Variants in DOCK8 observed in about 807,000 individuals in gnomAD.
DOCK8 encodes the protein dedicator of cytokinesis protein 8.
A neutral mutation model predicts 245.6 loss-of-function variants in DOCK8; 141 were observed. The observed-to-expected ratio is 0.57, with a 90% confidence interval of 0.50 to 0.66. The LOEUF (loss-of-function observed/expected upper bound fraction) is 0.66, where lower values mean the gene tolerates loss of function less well. Ranked by LOEUF, DOCK8 falls within the 30% of genes least tolerant of loss-of-function variation. The pLI is 0.00. For missense variants in DOCK8, 2,965 were observed against 2,603.4 expected (o/e 1.14, Z -3.02); for synonymous variants, 1,168 against 970.2 (o/e 1.20, Z -3.79).
chr9:326,897 G>T (rs1388996159), intron 8 of DOCK8, among the ~76,000 whole-genome samples: 1 of 152,208 alleles, frequency 6.6e-6, no homozygotes, highest in African/African-American at 2.4e-5. Flanking sequence ...TGTAGTCTCT[G>T]CCTGGGCAGC....
intron 14 of DOCK8, among the ~76,000 whole-genome samples, chr9:367,291 C>T (rs1331278521): frequency 1.3e-5 from 2 of 152,166 alleles, no homozygotes; most frequent in Admixed American, 6.5e-5. Context: ...ACTTAATACT[C>T]CTGTGTCCTA....
At chr9:325,529 G>A in intron 7 of DOCK8, 142 bp from the exon 8 acceptor site, 1 of 733,402 alleles carries the variant, frequency 1.4e-6, no homozygotes. Context: ...ATATCCCAGT[G>A]CGATTCTCAT....
chr9:440,653 T>G (rs1439191660), intron 40 of DOCK8, among the ~76,000 whole-genome samples: 3 of 152,208 alleles, frequency 2.0e-5, no homozygotes, highest in Non-Finnish European at 4.4e-5. Context: ...TCTGATGAAA[T>G]TTAAATATAC....
intron 14 of DOCK8, among the ~76,000 whole-genome samples, chr9:363,953 T>TAC (rs1369315626): frequency 6.6e-6 from 1 of 152,228 alleles, no homozygotes; most frequent in African/African-American, 2.4e-5. Flanking sequence ...TTCATCCAGC[T>TAC]ACTTCAAAGC....
intron 2 of DOCK8, among the ~76,000 whole-genome samples, chr9:281,619 G>A (rs1426306123): frequency 7.1e-6 from 1 of 140,216 alleles, no homozygotes; most frequent in Admixed American, 7.4e-5. Context: ...ACCACTAGAT[G>A]TATGTATATA....
intron 13 of DOCK8, among the ~76,000 whole-genome samples, chr9:339,793 C>T (rs767147426): frequency 7.2e-5 from 11 of 152,196 alleles, no homozygotes; most frequent in African/African-American, 2.4e-4. Context: ...AGATGACAGG[C>T]GTGAGCCACC....
chr9:443,714 C>G (rs565081545), intron 43 of DOCK8, among the ~76,000 whole-genome samples, 198 bp downstream of exon 43: 5 of 152,288 alleles, frequency 3.3e-5, no homozygotes, highest in African/African-American at 9.6e-5. Context: ...ATAGGAGCTA[C>G]CACTTATTAA....
At chr9:335,853 T>C (rs1211072168) in intron 11 of DOCK8, among the ~76,000 whole-genome samples, 2 of 152,130 alleles carry the variant, frequency 1.3e-5, no homozygotes, top group African/African-American at 4.8e-5. Flanking sequence ...ATGGTAAGAA[T>C]TAAGGATAAG....
In DOCK8 at chr9:372,202, AAAT is replaced by A; in HGVS notation, c.2026_2028del (p.Asn676del). ...TGTTTCAGTGGCTGCCAATTCTCTTAAATGAACGTCTTCAAACTGGATCCTACT... is the reference window on the plus strand; with the variant it reads ...TGTTTCAGTGGCTGCCAATTCTCTTAGAACGTCTTCAAACTGGATCCTACT... On this transcript the variant is annotated inframe_deletion, in exon 18 of 48. Transcript: ENST00000432829. 6.2e-7 allele frequency: 1 copy of A among 1,614,090 alleles called. No individual in the cohort carries two copies. Among genetic ancestry groups the A allele is most frequent in the South Asian group, 1.1e-5 (1 of 91,088 alleles).
At chr9:236,019 C>G (rs1185196925) in intron 1 of DOCK8, among the ~76,000 whole-genome samples, 2 of 152,230 alleles carry the variant, frequency 1.3e-5, no homozygotes, top group Non-Finnish European at 2.9e-5. Context: ...TAGACTGGAG[C>G]TGTTCCTATT....
chr9:424,617 C>G (rs10974352), intron 33 of DOCK8, among the ~76,000 whole-genome samples: 293 of 152,140 alleles, frequency 1.9e-3, no homozygotes, highest in African/African-American at 6.6e-3. Context: ...ACCATGTTGC[C>G]CAGGCTGGTC....
intron 26 of DOCK8, among the ~76,000 whole-genome samples, chr9:403,914 A>ATC (rs1564021210): frequency 1.2e-5 from 1 of 82,890 alleles, no homozygotes; most frequent in Non-Finnish European, 2.1e-5. Flanking sequence ...ATATATATAT[A>ATC]TACATATATA....
At chr9:379,365 A>G (rs533454970) in intron 20 of DOCK8, among the ~76,000 whole-genome samples, 26 of 152,258 alleles carry the variant, frequency 1.7e-4, no homozygotes, top group Admixed American at 8.5e-4. Flanking sequence ...CATCTTGTAA[A>G]GATGCAGAAC....
chr9:365,802 C>T, intron 14 of DOCK8: 3 of 378,388 alleles, frequency 7.9e-6, no homozygotes, highest in East Asian at 7.2e-5. Flanking sequence ...TGATTGGTGG[C>T]AGTGGAGATG....
At chr9:289,175 G>T (rs1586607961) in intron 3 of DOCK8, among the ~76,000 whole-genome samples, 1 of 152,160 alleles carries the variant, frequency 6.6e-6, no homozygotes, top group Non-Finnish European at 1.5e-5. Context: ...TCAGAGATAG[G>T]TATTTATACT....
Position 428,377 on chromosome 9 carries a change from G to T in DOCK8, c.4354G>T (p.Asp1452Tyr), listed in dbSNP as rs2131703111. The T allele has an allele frequency of 3.1e-6, 5 of 1,614,168 alleles. No homozygotes were observed. Among genetic ancestry groups the T allele is most frequent in the Non-Finnish European group, 4.2e-6 (5 of 1,180,024 alleles). ...ENIIQASSAL[D>Y]CKDSLLGGVL... is the part of the protein sequence containing the mutation. The stretch of plus-strand genomic sequence containing the variant: ...ATTCCCCCAGGCGAGCTCGGCTCTG[G>T]ACTGTAAAGACAGCCTGCTGGGAGG... Residue 1452 changes from aspartate (D) to tyrosine (Y), a missense_variant, in exon 35 of 48, where the codon GAC (aspartate) becomes TAC (tyrosine). Physicochemically the swap from Asp to Tyr is radical, Grantham distance 160. Coordinates refer to ENST00000432829, the MANE Select transcript of DOCK8 (RefSeq NM_203447.4).
chr9:352,016 G>A (rs191061887), intron 14 of DOCK8, among the ~76,000 whole-genome samples: 17 of 152,294 alleles, frequency 1.1e-4, no homozygotes, highest in African/African-American at 3.4e-4. Context: ...GGTGGGCGTC[G>A]AGCATGTGGC....
At chr9:404,088 G>C (rs951937769) in intron 26 of DOCK8, among the ~76,000 whole-genome samples, 3 of 150,716 alleles carry the variant, frequency 2.0e-5, no homozygotes, top group Non-Finnish European at 4.4e-5. Context: ...TCATATTTCT[G>C]TGCTGGGGTG....
intron 6 of DOCK8, chr9:312,824 T>C: frequency 8.9e-6 from 2 of 224,936 alleles, no homozygotes; most frequent in Non-Finnish European, 1.8e-5. Flanking sequence ...CTCCTTATAC[T>C]GTATAGGAGG....
Sources: allele counts gnomAD v4.1 joint callset (sites outside exome capture counted in the v4.1 genomes callset), GRCh38; gene constraint gnomAD v4.1.1; transcripts MANE v1.5; gene names NCBI Gene and HGNC (gene_info 2026-07-23, HGNC 2026-07-21).